DHRSX: variants seen among roughly 807,000 people sequenced by gnomAD.
DHRSX encodes dehydrogenase/reductase X-linked.
A neutral mutation model predicts 34.0 loss-of-function variants in DHRSX; 31 were observed. The observed-to-expected ratio is 0.91, with a 90% confidence interval of 0.69 to 1.23. The LOEUF (loss-of-function observed/expected upper bound fraction) is 1.23. DHRSX is among the 50% of genes most tolerant of loss of function. The pLI, the probability that DHRSX is intolerant of heterozygous loss-of-function variation, is 0.00. For synonymous variants in DHRSX, 201 were observed against 183.8 expected, an observed-to-expected ratio of 1.09 and a Z score of -0.76; for missense variants, 414 against 428.1, an observed-to-expected ratio of 0.97 and a Z score of 0.29.
At chrX:2,434,099 A>G (rs1171716194) in intron 1 of DHRSX, among the ~76,000 whole-genome samples, 1 of 152,102 alleles carries the variant, frequency 6.6e-6, no homozygotes, top group Non-Finnish European at 1.5e-5. Context: ...CTTCTAACCA[A>G]ACCCCAGTCC....
chrX:2,348,963 G>A (rs141968914), intron 3 of DHRSX, among the ~76,000 whole-genome samples: 1 of 151,988 alleles, frequency 6.6e-6, no homozygotes, highest in Non-Finnish European at 1.5e-5. Flanking sequence ...CAAAGTGCTG[G>A]GATTACAAGC....
intron 2 of DHRSX, among the ~76,000 whole-genome samples, chrX:2,415,719 T>A (rs1475306236): frequency 6.6e-6 from 1 of 150,534 alleles, no homozygotes; most frequent in East Asian, 2.0e-4. Context: ...CTAGATCTCA[T>A]CACAACCAAC....
At chrX:2,326,782 G>A (rs1215052823) in intron 3 of DHRSX, among the ~76,000 whole-genome samples, 2 of 151,422 alleles carry the variant, frequency 1.3e-5, no homozygotes, top group Admixed American at 6.6e-5. Flanking sequence ...TGAACTGGGG[G>A]AAGGGAAATC....
intron 3 of DHRSX, among the ~76,000 whole-genome samples, chrX:2,348,252 T>G (rs1422917876): frequency 6.6e-6 from 1 of 152,192 alleles, no homozygotes; most frequent in African/African-American, 2.4e-5. Context: ...CTGGAAAGGT[T>G]GGACTCTGTG....
At chrX:2,477,242 T>C (rs1478128630) in intron 1 of DHRSX, among the ~76,000 whole-genome samples, 1 of 152,066 alleles carries the variant, frequency 6.6e-6, no homozygotes, top group Non-Finnish European at 1.5e-5. Flanking sequence ...AAAGAATGGG[T>C]ACCACGACTT....
intron 3 of DHRSX, among the ~76,000 whole-genome samples, chrX:2,316,246 G>C (rs1462029874): frequency 6.6e-6 from 1 of 150,530 alleles, no homozygotes; most frequent in African/African-American, 2.4e-5. Context: ...ATGGGAGTCT[G>C]CTTCTTCAAA....
intron 1 of DHRSX, among the ~76,000 whole-genome samples, chrX:2,437,671 C>T (rs1485066599): frequency 7.0e-6 from 1 of 142,974 alleles, no homozygotes; most frequent in African/African-American, 2.6e-5. Context: ...CTAAGAGAGA[C>T]AGAGAGAGAG....
intron 3 of DHRSX, among the ~76,000 whole-genome samples, chrX:2,346,161 A>G (rs191168981): frequency 7.2e-5 from 11 of 151,992 alleles, no homozygotes; most frequent in African/African-American, 9.7e-5. Context: ...AAATACATGT[A>G]TTTTCTGATA....
At chrX:2,421,788 G>C (rs760098156) in intron 2 of DHRSX, among the ~76,000 whole-genome samples, 1 of 152,192 alleles carries the variant, frequency 6.6e-6, no homozygotes, top group Non-Finnish European at 1.5e-5. Flanking sequence ...CTATTGAAAC[G>C]CATGAGGCCC....
intron 3 of DHRSX, among the ~76,000 whole-genome samples, chrX:2,335,740 C>T (rs1036003114): frequency 6.6e-6 from 1 of 152,032 alleles, no homozygotes; most frequent in African/African-American, 2.4e-5. Flanking sequence ...GCGTGAGCCA[C>T]CGCACCTGGC....
At chrX:2,243,985 G>C (rs2016219266) in intron 5 of DHRSX, among the ~76,000 whole-genome samples, 1 of 151,428 alleles carries the variant, frequency 6.6e-6, no homozygotes, top group African/African-American at 2.4e-5. Context: ...TGGCCAGGCT[G>C]GTCTTGAACT....
At chrX:2,474,853 C>T (rs998247612) in intron 1 of DHRSX, among the ~76,000 whole-genome samples, 10 of 150,276 alleles carry the variant, frequency 6.7e-5, no homozygotes, top group South Asian at 6.4e-4. Flanking sequence ...AAGGGACCGC[C>T]GCCATGTACA....
chrX:2,346,236 G>A (rs2042709341), intron 3 of DHRSX, among the ~76,000 whole-genome samples: 1 of 73,698 alleles, frequency 1.4e-5, no homozygotes. Context: ...CGCAGCTACA[G>A]AGGTGCATCT....
At chrX:2,304,855 G>T (rs1362167899) in intron 3 of DHRSX, among the ~76,000 whole-genome samples, 2 of 151,842 alleles carry the variant, frequency 1.3e-5, no homozygotes, top group Non-Finnish European at 2.9e-5. Flanking sequence ...CCATTACTAG[G>T]TATATATCCA....
chrX:2,287,773 G>A lies in DHRSX; in HGVS notation c.388+3729C>T, dbSNP rs189047247. On this transcript the variant is annotated intron_variant, in intron 4 of 6. Coordinates refer to ENST00000334651, the MANE Select transcript of DHRSX (RefSeq NM_145177.3). ...CATTCTAATCCTCATGTGGGAAACA[G>A]AATAATGGCCCCAAAGATGTCCACA... Among the ~76,000 whole-genome samples, 1,471 of 151,620 alleles carry A rather than the reference G, an allele frequency of 9.7e-3. 11 individuals are homozygous for A. Among genetic ancestry groups the A allele is most frequent in the Non-Finnish European group, 0.016 (1,097 of 67,860 alleles).
intron 3 of DHRSX, among the ~76,000 whole-genome samples, chrX:2,362,616 G>A (rs1031012697): frequency 2.6e-5 from 4 of 152,234 alleles, no homozygotes; most frequent in East Asian, 1.9e-4. Flanking sequence ...CCTTATAAGT[G>A]ATATGAGCAT....
chrX:2,343,230 T>C (rs1310796848), intron 3 of DHRSX, among the ~76,000 whole-genome samples: 8 of 152,176 alleles, frequency 5.3e-5, no homozygotes, highest in Admixed American at 5.2e-4. Flanking sequence ...GTGCTTAGTC[T>C]ATAAGAGAGA....
intron 3 of DHRSX, among the ~76,000 whole-genome samples, chrX:2,329,934 G>A (rs2042436166): frequency 6.6e-6 from 1 of 151,946 alleles, no homozygotes; most frequent in African/African-American, 2.4e-5. Flanking sequence ...GGTATGTCAA[G>A]CTGCCAAGGA....
At chrX:2,253,242 A>G (rs778283019) in intron 5 of DHRSX, among the ~76,000 whole-genome samples, 239 of 150,618 alleles carry the variant, frequency 1.6e-3, no homozygotes, top group African/African-American at 5.6e-3. Context: ...AGATGGCGCC[A>G]CGGCACTCCA....
Sources: gnomAD v4.1 joint callset for allele counts (sites outside exome capture counted in the v4.1 genomes callset) on GRCh38, gnomAD v4.1.1 for gene constraint, MANE v1.5 for transcripts, NCBI Gene and HGNC (gene_info 2026-07-23, HGNC 2026-07-21) for gene names.